The following MAB21L2 variants were observed in gnomAD, a reference collection of about 807,000 sequenced individuals.
MAB21L2 encodes the protein protein mab-21-like 2.
A neutral mutation model predicts 29.8 loss-of-function variants in MAB21L2; 15 were observed. That is an observed-to-expected ratio of 0.50 (90% CI 0.34 to 0.78). The LOEUF is 0.78. MAB21L2 is among the 30% of genes least tolerant of loss of function. MAB21L2 has a pLI of 0.01. For synonymous variants in MAB21L2, 218 were observed against 210.4 expected, an observed-to-expected ratio of 1.04 and a Z score of -0.31; for missense variants, 321 against 480.1, an observed-to-expected ratio of 0.67 and a Z score of 3.10.
In MAB21L2 at chr4:150,582,845, A is replaced by T; in HGVS notation, c.-185A>T. On this transcript the variant is annotated 5_prime_UTR_variant, in exon 1 of 1. Coordinates refer to ENST00000317605, the MANE Select transcript of MAB21L2 (RefSeq NM_006439.5). ...AGAAAAGAGGTTTCGAAAGAGGGAA[A>T]AGGAAAAAACAAGCCGGCTACGGTA... The T allele has an allele frequency of 1.8e-6, 1 of 563,794 alleles. No homozygotes were observed. Among genetic ancestry groups the T allele is most frequent in the Non-Finnish European group, 2.9e-6 (1 of 340,652 alleles). 34.9% of individuals were successfully genotyped at this position (563,794 alleles called of 1,614,324 possible). A position where few individuals can be genotyped will look rare whatever the true frequency, so the allele number is the denominator to read the frequency against.
In MAB21L2 at chr4:150,582,563, G is replaced by T; in HGVS notation, c.-467G>T. 1 of 162,968 alleles carries T rather than the reference G, an allele frequency of 6.1e-6. No homozygotes were observed. The highest frequency in any genetic ancestry group is 1.4e-5 in the Non-Finnish European group (1 of 73,884). 10.1% of individuals were successfully genotyped at this position (162,968 alleles called of 1,614,324 possible). A position where few individuals can be genotyped will look rare whatever the true frequency, so the allele number is the denominator to read the frequency against. On this transcript the variant is annotated 5_prime_UTR_variant, in exon 1 of 1. The change abolishes the stop of an existing upstream ORF in the 5' untranslated region. Coordinates refer to ENST00000317605, the MANE Select transcript of MAB21L2 (RefSeq NM_006439.5). ...AAGAGAAGTTTAAGAATGAACCACTGAATGTTTCGCTTTTATTTTTAAATT... is the reference window on the plus strand; with the variant it reads ...AAGAGAAGTTTAAGAATGAACCACTTAATGTTTCGCTTTTATTTTTAAATT...
chr4:150,583,121 T>A lies in MAB21L2; in HGVS notation c.92T>A (p.Ile31Asn). 6.2e-7 allele frequency: 1 copy of A among 1,614,112 alleles called. No individual in the cohort carries two copies. The highest frequency in any genetic ancestry group is 8.5e-7 in the Non-Finnish European group (1 of 1,180,014). ...CGCAAGGCGGCCATCGCCAAAACCA[T>A]CCGAGAGGTCTGTAAGGTGGTCTCG... Reference protein sequence around the residue: ...QARKAAIAKTIREVCKVVSDV... With the variant: ...QARKAAIAKTNREVCKVVSDV... Residue 31 changes from isoleucine to asparagine, a missense_variant, in exon 1 of 1, where the codon ATC (isoleucine) becomes AAC (asparagine). Transcript: ENST00000317605. This position sits in a 1 kb window ranked among gnomAD's most constrained non-coding sequence, Gnocchi z 9.8.
rs117373385 is a variant in MAB21L2 at position 150,582,563 on chromosome 4, G to A, written c.-467G>A. 102 of 162,968 alleles carry A rather than the reference G, an allele frequency of 6.3e-4. No homozygotes were observed. In the East Asian group the frequency reaches 0.012, roughly 19 times the overall value. The allele number at this position is 162,968 out of a possible 1,614,324, so 10.1% of individuals were successfully genotyped here. On this transcript the variant is annotated 5_prime_UTR_variant, in exon 1 of 1. The change abolishes the stop of an existing upstream ORF in the 5' untranslated region. Coordinates refer to ENST00000317605, the MANE Select transcript of MAB21L2 (RefSeq NM_006439.5). Reference sequence around the variant, plus strand: ...AAGAGAAGTTTAAGAATGAACCACTGAATGTTTCGCTTTTATTTTTAAATT... The same window carrying A: ...AAGAGAAGTTTAAGAATGAACCACTAAATGTTTCGCTTTTATTTTTAAATT...
Position 150,583,057 on chromosome 4 carries a change from T to C in MAB21L2, c.28T>C (p.Tyr10His). 1 of 1,609,008 alleles carries C rather than the reference T, an allele frequency of 6.2e-7. No homozygotes were observed. The highest frequency in any genetic ancestry group is 8.5e-7 in the Non-Finnish European group (1 of 1,176,876). The stretch of plus-strand genomic sequence containing the variant: ...GATCGCCGCTCAGGCCAAGCTGGTT[T>C]ACCAGCTCAATAAGTACTACACTGA... MIAAQAKLV[Y>H]QLNKYYTERC... is the part of the protein sequence containing the mutation. Residue 10 changes from tyrosine to histidine, a missense_variant, in exon 1 of 1, where the codon TAC becomes CAC. Tyr to His is a moderately conservative substitution (Grantham distance 83). Coordinates refer to ENST00000317605, the MANE Select transcript of MAB21L2 (RefSeq NM_006439.5). This position sits in a 1 kb window ranked among gnomAD's most constrained non-coding sequence, Gnocchi z 9.8.
Position 150,582,907 on chromosome 4 carries a change from G to A in MAB21L2, c.-123G>A. The A allele has an allele frequency of 3.3e-6, 4 of 1,203,582 alleles. No individual in the cohort carries two copies. Among genetic ancestry groups the A allele is most frequent in the Non-Finnish European group, 4.6e-6 (4 of 868,424 alleles). The allele number at this position is 1,203,582 out of a possible 1,614,324, so 74.6% of individuals were successfully genotyped here. ...GCCCAGGTGGAAAACGAGAGTGAAAGTAGGGCTTAACGGGGAGCGCACCGC... is the reference window on the plus strand; with the variant it reads ...GCCCAGGTGGAAAACGAGAGTGAAAATAGGGCTTAACGGGGAGCGCACCGC... On this transcript the variant is annotated 5_prime_UTR_variant, in exon 1 of 1. Transcript: ENST00000317605.
In MAB21L2 at chr4:150,583,605, C is replaced by A. The variant is rs762798919; in HGVS notation, c.576C>A (p.Ile192=). ...RSAAQWPMPH[I]PWPGPNRVAE... is the part of the protein sequence containing the mutation. ...CGGCACAGTGGCCTATGCCCCACAT[C>A]CCTTGGCCCGGCCCCAATCGGGTGG... is the stretch of plus-strand genomic sequence containing the variant. The change falls in exon 1 of 1, where the codon ATC becomes ATA. Residue 192 remains isoleucine (I), a synonymous_variant. Coordinates refer to ENST00000317605, the MANE Select transcript of MAB21L2 (RefSeq NM_006439.5). This position sits in a 1 kb window ranked among gnomAD's most constrained non-coding sequence, Gnocchi z 9.8. The A allele has an allele frequency of 1.9e-6, 3 of 1,613,920 alleles. No homozygotes were observed. In the African/African-American group the frequency reaches 4.0e-5, roughly 22 times the overall value.
chr4:150,583,587 G>A lies in MAB21L2; in HGVS notation c.558G>A (p.Gln186=). The change falls in exon 1 of 1, where the codon CAG becomes CAA. Residue 186 remains glutamine (Q), a synonymous_variant. Coordinates refer to ENST00000317605, the MANE Select transcript of MAB21L2 (RefSeq NM_006439.5). The surrounding 1 kb of genome is among the most constrained non-coding windows in gnomAD (Gnocchi z 9.8). ...GGATCTGGCCTCGCAGCGCGGCACA[G>A]TGGCCTATGCCCCACATCCCTTGGC... ...CTGIWPRSAA[Q]WPMPHIPWPG... 1.2e-6 allele frequency: 2 copies of A among 1,613,980 alleles called. No homozygotes were observed. Among genetic ancestry groups the A allele is most frequent in the African/African-American group, 2.7e-5 (2 of 75,076 alleles).
In MAB21L2 at chr4:150,582,720, C is replaced by A. The variant is rs72959811; in HGVS notation, c.-310C>A. ...TTCCTCACGCCCACCCCGCTTCTCT[C>A]GCACACGGTCATCTTTACATATCAA... is the stretch of plus-strand genomic sequence containing the variant. On this transcript the variant is annotated 5_prime_UTR_variant, in exon 1 of 1. Transcript: ENST00000317605. The A allele has an allele frequency of 3.6e-6, 1 of 274,500 alleles. No individual in the cohort carries two copies. Among genetic ancestry groups the A allele is most frequent in the Non-Finnish European group, 6.9e-6 (1 of 145,250 alleles). 17.0% of individuals were successfully genotyped at this position (274,500 alleles called of 1,614,324 possible).
Position 150,583,719 on chromosome 4 carries a change from G to A in MAB21L2, c.690G>A (p.Trp230Ter). The change falls in exon 1 of 1, where the codon TGG becomes TGA. Residue 230 changes from tryptophan to a stop codon, truncating the protein, a stop_gained. Transcript: ENST00000317605. LOFTEE classifies it high-confidence loss of function. This position sits in a 1 kb window ranked among gnomAD's most constrained non-coding sequence, Gnocchi z 9.8. ...AGAGCTCGGCAGAGAGCGACGCCTG[G>A]GTGCTACAGTTCGGGGAGGCGGAGA... ...GKQSSAESDA[W>*]VLQFGEAENR... The A allele has an allele frequency of 6.2e-7, 1 of 1,613,544 alleles. No homozygotes were observed. The highest frequency in any genetic ancestry group is 1.1e-5 in the South Asian group (1 of 90,958).
chr4:150,583,164 G>A lies in MAB21L2; in HGVS notation c.135G>A (p.Val45=). The A allele has an allele frequency of 6.2e-7, 1 of 1,614,230 alleles. No homozygotes were observed. The highest frequency in any genetic ancestry group is 1.1e-5 in the South Asian group (1 of 91,086). Reference sequence around the variant, plus strand: ...TGGTCTCGGACGTGCTCAAGGAAGTGGAGGTGCAGGAGCCTCGCTTCATCA... The same window carrying A: ...TGGTCTCGGACGTGCTCAAGGAAGTAGAGGTGCAGGAGCCTCGCTTCATCA... ...CKVVSDVLKE[V]EVQEPRFISS... The change falls in exon 1 of 1, where the codon GTG becomes GTA. Residue 45 remains valine (V), a synonymous_variant. Coordinates refer to ENST00000317605, the MANE Select transcript of MAB21L2 (RefSeq NM_006439.5). This position sits in a 1 kb window ranked among gnomAD's most constrained non-coding sequence, Gnocchi z 9.8.
chr4:150,582,218 C>A lies in MAB21L2; in HGVS notation c.-812C>A, dbSNP rs1487377747. 3 of 152,046 alleles carry A rather than the reference C, an allele frequency of 2.0e-5. No homozygotes were observed. Among genetic ancestry groups the A allele is most frequent in the Non-Finnish European group, 4.4e-5 (3 of 68,042 alleles). 9.4% of individuals were successfully genotyped at this position (152,046 alleles called of 1,614,324 possible). On this transcript the variant is annotated 5_prime_UTR_variant, in exon 1 of 1. It introduces an in-frame stop codon into an upstream open reading frame of the 5' UTR. Transcript: ENST00000317605. ...TTGTGAGGGCCAAAAGTATAAATTA[C>A]GAAGCAGAAATGATTATCAAACAAC... is the stretch of plus-strand genomic sequence containing the variant.
Position 150,583,762 on chromosome 4 carries a change from G to T in MAB21L2, c.733G>T (p.Gly245Cys), listed in dbSNP as rs760163661. 1.9e-6 allele frequency: 3 copies of T among 1,613,912 alleles called. No homozygotes were observed. ...GGCGGAGAACCGCCTGCTGATGGGC[G>T]GCTGCCGAAACAAGTGCCTCTCAGT... ...GEAENRLLMG[G>C]CRNKCLSVLK... Residue 245 changes from glycine to cysteine, a missense_variant, in exon 1 of 1, where the codon GGC (glycine) becomes TGC (cysteine). Coordinates refer to ENST00000317605, the MANE Select transcript of MAB21L2 (RefSeq NM_006439.5). The surrounding 1 kb of genome is among the most constrained non-coding windows in gnomAD (Gnocchi z 9.8).
In MAB21L2 at chr4:150,583,731, C is replaced by G. The variant is rs1312183707; in HGVS notation, c.702C>G (p.Phe234Leu). Residue 234 changes from phenylalanine to leucine, a missense_variant, in exon 1 of 1, where the codon TTC becomes TTG. Physicochemically the swap from Phe to Leu is conservative, Grantham distance 22. Coordinates refer to ENST00000317605, the MANE Select transcript of MAB21L2 (RefSeq NM_006439.5). The surrounding 1 kb of genome is among the most constrained non-coding windows in gnomAD (Gnocchi z 9.8). ...SAESDAWVLQFGEAENRLLMG... is the reference protein window; with the variant it reads ...SAESDAWVLQLGEAENRLLMG... ...AGAGCGACGCCTGGGTGCTACAGTT[C>G]GGGGAGGCGGAGAACCGCCTGCTGA... The G allele has an allele frequency of 1.9e-6, 3 of 1,613,370 alleles. No individual in the cohort carries two copies. Among genetic ancestry groups the G allele is most frequent in the African/African-American group, 1.3e-5 (1 of 75,040 alleles).
chr4:150,583,935 C>T lies in MAB21L2; in HGVS notation c.906C>T (p.Gly302=). 9 of 1,613,106 alleles carry T rather than the reference C, an allele frequency of 5.6e-6. No homozygotes were observed. The highest frequency in any genetic ancestry group is 7.6e-6 in the Non-Finnish European group (9 of 1,179,486). The part of the protein sequence containing the change: ...DESCLGDRLN[G]ILLQLISCLQ... ...CGTGCCTGGGCGACCGGCTCAACGG[C>T]ATCCTGCTGCAGCTCATCTCCTGCC... Residue 302 remains glycine (G), a synonymous_variant, in exon 1 of 1, where the codon GGC becomes GGT. Transcript: ENST00000317605. The surrounding 1 kb of genome is among the most constrained non-coding windows in gnomAD (Gnocchi z 9.8).
Position 150,583,206 on chromosome 4 carries a change from C to T in MAB21L2, c.177C>T (p.Ile59=). The T allele has an allele frequency of 6.2e-7, 1 of 1,614,200 alleles. No homozygotes were observed. The highest frequency in any genetic ancestry group is 8.5e-7 in the Non-Finnish European group (1 of 1,180,028). Residue 59 remains isoleucine (I), a synonymous_variant, in exon 1 of 1, where the codon ATC becomes ATT. Coordinates refer to ENST00000317605, the MANE Select transcript of MAB21L2 (RefSeq NM_006439.5). The surrounding 1 kb of genome is among the most constrained non-coding windows in gnomAD (Gnocchi z 9.8). ...GCTTCATCAGCTCCTTGAGCGAGAT[C>T]GATGCCCGCTACGAGGGGCTCGAGG... ...EPRFISSLSE[I]DARYEGLEVI...
rs767440285 is a variant in MAB21L2, at chr4:150,583,758, G to C, written c.729G>C (p.Met243Ile). ...QFGEAENRLL[M>I]GGCRNKCLSV... ...GGGAGGCGGAGAACCGCCTGCTGAT[G>C]GGCGGCTGCCGAAACAAGTGCCTCT... Residue 243 changes from methionine to isoleucine, a missense_variant, in exon 1 of 1, where the codon ATG (methionine) becomes ATC (isoleucine). Physicochemically the swap from Met to Ile is conservative, Grantham distance 10. Coordinates refer to ENST00000317605, the MANE Select transcript of MAB21L2 (RefSeq NM_006439.5). This position sits in a 1 kb window ranked among gnomAD's most constrained non-coding sequence, Gnocchi z 9.8. The C allele has an allele frequency of 1.2e-6, 2 of 1,613,964 alleles. No individual in the cohort carries two copies. The highest frequency in any genetic ancestry group is 1.7e-6 in the Non-Finnish European group (2 of 1,179,964).
At position 150,583,819 on chromosome 4, in the gene MAB21L2, C is replaced by T. The variant is rs1237121186; in HGVS notation, c.790C>T (p.Leu264=). The part of the protein sequence containing the change: ...LKTLRDRHLE[L]PGQPLNNYHM... ...GACTCTGCGGGACCGCCACCTGGAGCTACCCGGCCAGCCGCTCAACAACTA... is the reference window on the plus strand; with the variant it reads ...GACTCTGCGGGACCGCCACCTGGAGTTACCCGGCCAGCCGCTCAACAACTA... Residue 264 remains leucine, a synonymous_variant, in exon 1 of 1, where the codon CTA becomes TTA. Transcript: ENST00000317605. The surrounding 1 kb of genome is among the most constrained non-coding windows in gnomAD (Gnocchi z 9.8). 6.2e-7 allele frequency: 1 copy of T among 1,614,212 alleles called. No individual in the cohort carries two copies. Among genetic ancestry groups the T allele is most frequent in the Admixed American group, 1.7e-5 (1 of 60,024 alleles).
Position 150,583,139 on chromosome 4 carries a change from T to C in MAB21L2, c.110T>C (p.Val37Ala), listed in dbSNP as rs1293040520. 13 of 1,614,076 alleles carry C rather than the reference T, an allele frequency of 8.1e-6. No homozygotes were observed. The highest frequency in any genetic ancestry group is 1.1e-5 in the Non-Finnish European group (13 of 1,179,996). ...AAAACCATCCGAGAGGTCTGTAAGG[T>C]GGTCTCGGACGTGCTCAAGGAAGTG... ...IAKTIREVCK[V>A]VSDVLKEVEV... The change falls in exon 1 of 1, where the codon GTG becomes GCG. Residue 37 changes from valine (V) to alanine (A), a missense_variant. Physicochemically the swap from Val to Ala is moderately conservative, Grantham distance 64. Transcript: ENST00000317605. The surrounding 1 kb of genome is among the most constrained non-coding windows in gnomAD (Gnocchi z 9.8).
Position 150,584,055 on chromosome 4 carries a change from C to T in MAB21L2, c.1026C>T (p.Thr342=), listed in dbSNP as rs562705013. Residue 342 remains threonine (T), a synonymous_variant, in exon 1 of 1, where the codon ACC becomes ACT. Coordinates refer to ENST00000317605, the MANE Select transcript of MAB21L2 (RefSeq NM_006439.5). The part of the protein sequence containing the change: ...HSALESAAKQ[T]WRLAREILTN... ...CCCTGGAGAGCGCTGCCAAGCAGAC[C>T]TGGAGGTTGGCCAGGGAAATTCTCA... 6.3e-7 allele frequency: 1 copy of T among 1,582,738 alleles called. No individual in the cohort carries two copies. The highest frequency in any genetic ancestry group is 1.8e-5 in the Admixed American group (1 of 55,034).
Sources: gnomAD v4.1 joint callset for allele counts on GRCh38, gnomAD v4.1.1 for gene constraint, Gnocchi (gnomAD v3.1) non-coding constraint, MANE v1.5 for transcripts, NCBI Gene and HGNC (gene_info 2026-07-23, HGNC 2026-07-21) for gene names.